SGCD: variants seen among roughly 807,000 people sequenced by gnomAD.
The protein encoded by SGCD is delta-sarcoglycan.
Under a neutral mutation model 36.6 loss-of-function variants are expected in SGCD, and 18 were observed. The observed-to-expected ratio is 0.49, with a 90% CI of 0.34 to 0.73. SGCD has a LOEUF of 0.73. SGCD is among the 30% of genes least tolerant of loss of function. SGCD has a pLI of 0.01. For synonymous variants in SGCD, 133 were observed against 130.6 expected, an observed-to-expected ratio of 1.02 and a Z score of -0.12; for missense variants, 387 against 346.7, an observed-to-expected ratio of 1.12 and a Z score of -0.92.
At chr5:156,645,901 A>AT (rs1763206308) in intron 6 of SGCD, among the ~76,000 whole-genome samples, 1 of 152,178 alleles carries the variant, frequency 6.6e-6, no homozygotes. Flanking sequence ...AATCATAAAC[A>AT]TTATATAATA....
chr5:156,328,349 C>A (rs1040434518), intron 1 of SGCD, among the ~76,000 whole-genome samples: 1 of 152,148 alleles, frequency 6.6e-6, no homozygotes, highest in Non-Finnish European at 1.5e-5. Flanking sequence ...TTTTTCCGAA[C>A]GGGGCTTGGC....
chr5:156,602,925 G>T (rs1252572302), intron 6 of SGCD, among the ~76,000 whole-genome samples: 2 of 152,126 alleles, frequency 1.3e-5, no homozygotes, highest in Non-Finnish European at 2.9e-5. Flanking sequence ...TTCTTGTCTG[G>T]TTTTGATATC....
intron 4 of SGCD, among the ~76,000 whole-genome samples, chr5:156,556,904 G>A (rs925452568): frequency 6.6e-6 from 1 of 152,138 alleles, no homozygotes; most frequent in Non-Finnish European, 1.5e-5. Context: ...AGAGTCATAT[G>A]TTTTACCACA....
At chr5:156,690,823 T>C (rs558554408) in intron 7 of SGCD, among the ~76,000 whole-genome samples, 21 of 152,036 alleles carry the variant, frequency 1.4e-4, no homozygotes, top group Non-Finnish European at 4.4e-5. Context: ...TTTAGTAACA[T>C]GAAAGTCAGT....
chr5:156,221,847 T>G (rs1447358576), intron 3 of SGCD, among the ~76,000 whole-genome samples: 1 of 152,038 alleles, frequency 6.6e-6, no homozygotes, highest in Non-Finnish European at 1.5e-5. Flanking sequence ...ACATGAAAAC[T>G]TAAGTTTCAA....
the SGCD span, among the ~76,000 whole-genome samples, chr5:155,816,784 C>G: frequency 6.6e-6 from 1 of 151,834 alleles, no homozygotes; most frequent in Non-Finnish European, 1.5e-5. Flanking sequence ...ATGCAGGTCC[C>G]AATAATAGTA....
the SGCD span, among the ~76,000 whole-genome samples, chr5:155,839,427 C>G: frequency 2.0e-5 from 3 of 152,114 alleles, no homozygotes; most frequent in African/African-American, 7.2e-5. Context: ...TCTGAGGGGT[C>G]TGGCTAATGT....
intron 1 of SGCD, among the ~76,000 whole-genome samples, chr5:156,082,274 G>A (rs1760974892): frequency 6.8e-6 from 1 of 146,354 alleles, no homozygotes; most frequent in Non-Finnish European, 1.5e-5. Context: ...GGTGGGCGGG[G>A]GGGTCCAGGG....
chr5:156,609,268 T>A (rs1425267079), intron 6 of SGCD, among the ~76,000 whole-genome samples: 1 of 152,206 alleles, frequency 6.6e-6, no homozygotes, highest in African/African-American at 2.4e-5. Context: ...AGCATTTGCT[T>A]GTCTGTAAAG....
chr5:156,595,776 G>A (rs1760904298), intron 6 of SGCD, among the ~76,000 whole-genome samples: 1 of 152,220 alleles, frequency 6.6e-6, no homozygotes, highest in Non-Finnish European at 1.5e-5. Context: ...AAGGGTTTAG[G>A]TTCATAGTTC....
chr5:156,702,296 C>T (rs971160193), intron 7 of SGCD, among the ~76,000 whole-genome samples: 1 of 152,046 alleles, frequency 6.6e-6, no homozygotes, highest in Non-Finnish European at 1.5e-5. Flanking sequence ...ATTTTCTACT[C>T]CTAAACATGG....
chr5:156,719,959 C>T (rs993840714), intron 7 of SGCD, among the ~76,000 whole-genome samples: 1 of 151,882 alleles, frequency 6.6e-6, no homozygotes, highest in African/African-American at 2.4e-5. Flanking sequence ...CAAAGACTGA[C>T]CCAGAGAGAA....
intron 1 of SGCD, among the ~76,000 whole-genome samples, chr5:156,075,994 T>C (rs1372925705): frequency 6.6e-6 from 1 of 152,272 alleles, no homozygotes; most frequent in Admixed American, 6.5e-5. Context: ...CCTGGAACTT[T>C]TTCCAGGTTT....
intron 3 of SGCD, among the ~76,000 whole-genome samples, chr5:156,242,876 G>A (rs910224449): frequency 1.3e-5 from 2 of 152,162 alleles, no homozygotes; most frequent in Non-Finnish European, 2.9e-5. Flanking sequence ...CAGAACCTGA[G>A]AGGCAGATAG....
At chr5:156,186,417 A>C (rs538305746) in intron 3 of SGCD, among the ~76,000 whole-genome samples, 1 of 152,192 alleles carries the variant, frequency 6.6e-6, no homozygotes, top group Non-Finnish European at 1.5e-5. Context: ...CTACCGTTCA[A>C]GTACAGCTTT....
intron 7 of SGCD, among the ~76,000 whole-genome samples, chr5:156,701,576 A>G (rs1754531017): frequency 6.6e-6 from 1 of 152,122 alleles, no homozygotes; most frequent in Non-Finnish European, 1.5e-5. Context: ...GGTGATAGAG[A>G]AGGGAAGAGA....
chr5:156,313,807 C>G (rs937927447), intron 3 of SGCD, among the ~76,000 whole-genome samples: 1 of 152,002 alleles, frequency 6.6e-6, no homozygotes, highest in Admixed American at 6.6e-5. Flanking sequence ...AATGTAGACT[C>G]CACAATTGGA....
chr5:156,039,107 G>A (rs1759572402), intron 1 of SGCD, among the ~76,000 whole-genome samples: 1 of 151,996 alleles, frequency 6.6e-6, no homozygotes, highest in Non-Finnish European at 1.5e-5. Flanking sequence ...TCTATCCTAA[G>A]TCAACTTCCT....
intron 7 of SGCD, among the ~76,000 whole-genome samples, chr5:156,693,783 G>A (rs1333775818): frequency 6.6e-6 from 1 of 152,118 alleles, no homozygotes; most frequent in Non-Finnish European, 1.5e-5. Flanking sequence ...CATATGGATT[G>A]TAGTTTGGTT....
Sources: allele counts gnomAD v4.1 joint callset (sites outside exome capture counted in the v4.1 genomes callset), GRCh38; gene constraint gnomAD v4.1.1; transcripts MANE v1.5; gene names NCBI Gene and HGNC (gene_info 2026-07-23, HGNC 2026-07-21).